The following PDZD9 variants were observed in gnomAD, a reference collection of about 807,000 sequenced individuals.
The protein encoded by PDZD9 is PDZ domain-containing protein 9.
Under a neutral mutation model 16.3 loss-of-function variants are expected in PDZD9, and 13 were observed. That is an observed-to-expected ratio of 0.80 (90% CI 0.52 to 1.27). PDZD9 has a LOEUF of 1.27. PDZD9 is among the 50% of genes most tolerant of loss of function. The pLI, the probability that PDZD9 is intolerant of heterozygous loss-of-function variation, is 0.00. For missense variants in PDZD9, 288 were observed against 310.9 expected (o/e 0.93, Z 0.55); for synonymous variants, 120 against 111.0 (o/e 1.08, Z -0.51).
chr16:21,967,158 C>T, the PDZD9 span, among the ~76,000 whole-genome samples: 1 of 152,282 alleles, frequency 6.6e-6, no homozygotes, highest in Non-Finnish European at 1.5e-5. Context: ...CGCTAGAATA[C>T]TTGGAGCAAT....
At chr16:21,966,469 A>T in the PDZD9 span, among the ~76,000 whole-genome samples, 2 of 152,222 alleles carry the variant, frequency 1.3e-5, no homozygotes, top group Admixed American at 6.5e-5. Flanking sequence ...AGACCCAAAA[A>T]CAAATTTTAT....
the PDZD9 span, among the ~76,000 whole-genome samples, chr16:21,959,949 T>C: frequency 2.6e-5 from 4 of 152,236 alleles, no homozygotes; most frequent in African/African-American, 9.6e-5. Flanking sequence ...ACAGATGTAC[T>C]ATCATCCAGG....
chr16:21,997,653 G>A (rs1379525012), intron 1 of PDZD9, among the ~76,000 whole-genome samples: 1 of 152,198 alleles, frequency 6.6e-6, no homozygotes, highest in Non-Finnish European at 1.5e-5. Flanking sequence ...ACAAGGGGTA[G>A]TGGGAGAGGT....
At chr16:21,963,099 C>T in the PDZD9 span, 2 of 410,696 alleles carry the variant, frequency 4.9e-6, no homozygotes, top group Admixed American at 3.9e-5. Context: ...AGCAATTCTC[C>T]TGCCTCAGCC....
At chr16:21,982,479 C>A, downstream of PDZD9, among the ~76,000 whole-genome samples, 1 of 152,164 alleles carries the variant, frequency 6.6e-6, no homozygotes, top group Non-Finnish European at 1.5e-5. Context: ...TTGACAGTGT[C>A]AGTGTTGTTT....
downstream of PDZD9, chr16:21,980,326 A>G: frequency 2.0e-6 from 1 of 505,050 alleles, no homozygotes; most frequent in Non-Finnish European, 3.4e-6. Flanking sequence ...TCAATTGGAC[A>G]CTTTGGCAAC....
chr16:21,980,770 G>A, downstream of PDZD9: 1 of 1,565,628 alleles, frequency 6.4e-7, no homozygotes, highest in South Asian at 1.1e-5. Flanking sequence ...TCAGAAGGAT[G>A]CATAAGCGTC....
At chr16:21,957,638 G>A in the PDZD9 span, 19 of 1,555,248 alleles carry the variant, frequency 1.2e-5, no homozygotes, top group Middle Eastern at 1.7e-4. Context: ...GAAAAACTAA[G>A]ATCAATGTCT....
At chr16:21,974,851 G>A in the PDZD9 span, among the ~76,000 whole-genome samples, 1 of 152,196 alleles carries the variant, frequency 6.6e-6, no homozygotes, top group Non-Finnish European at 1.5e-5. Flanking sequence ...GGCTAATATT[G>A]GAAGATATTG....
At chr16:21,999,004 C>A in intron 1 of PDZD9, 1 of 209,272 alleles carries the variant, frequency 4.8e-6, no homozygotes. Flanking sequence ...CTTTAAAGCA[C>A]TTACAAAACC....
At chr16:21,986,125 G>A (rs1035773953) in intron 3 of PDZD9, among the ~76,000 whole-genome samples, 50 of 152,120 alleles carry the variant, frequency 3.3e-4, no homozygotes, top group African/African-American at 1.0e-3. Flanking sequence ...TACCCAGAGC[G>A]TTACATGGAG....
chr16:21,972,251 C>A, the PDZD9 span: 1 of 1,229,500 alleles, frequency 8.1e-7, no homozygotes, highest in Non-Finnish European at 1.1e-6. Context: ...GAAGAGATAG[C>A]CAGGCTTGAT....
chr16:21,987,827 CA>C (rs1474185739), intron 3 of PDZD9, among the ~76,000 whole-genome samples: 2 of 151,864 alleles, frequency 1.3e-5, no homozygotes, highest in Non-Finnish European at 2.9e-5. Context: ...CAGCTTTTAG[CA>C]AGTTGGGAGT....
chr16:21,967,285 A>G, the PDZD9 span, among the ~76,000 whole-genome samples: 1 of 152,178 alleles, frequency 6.6e-6, no homozygotes, highest in African/African-American at 2.4e-5. Flanking sequence ...TTAAAAGTTC[A>G]GTTTCATTAC....
chr16:21,997,887 G>A lies in PDZD9; in HGVS notation c.32-1386C>T, dbSNP rs533539658. The stretch of plus-strand genomic sequence containing the variant: ...ACACACAAGCTTGCCAAGTCCATGT[G>A]ACTGTGGTGTTTTCAGGGCCACTGC... On this transcript the variant is annotated intron_variant, in intron 1 of 3. Coordinates refer to ENST00000424898, the MANE Select transcript of PDZD9 (RefSeq NM_001363519.1). 4.6e-5 allele frequency among the ~76,000 whole-genome samples: 7 copies of A among 152,070 alleles called. 1 individual carries two copies. The highest frequency in any genetic ancestry group is 6.3e-3 in the Middle Eastern group (2 of 316).
At chr16:21,986,521 G>T (rs919703437) in intron 3 of PDZD9, among the ~76,000 whole-genome samples, 1 of 152,160 alleles carries the variant, frequency 6.6e-6, no homozygotes, top group Non-Finnish European at 1.5e-5. Flanking sequence ...AGTAGGATTT[G>T]ATTGTGAGTT....
rs1597986821 is a variant in PDZD9 at position 22,001,081 on chromosome 16, C to G, written c.-34G>C. The G allele has an allele frequency of 6.6e-7, 1 of 1,509,896 alleles. No homozygotes were observed. The highest frequency in any genetic ancestry group is 8.8e-7 in the Non-Finnish European group (1 of 1,134,620). The allele number at this position is 1,509,896 out of a possible 1,614,324, so 93.5% of individuals were successfully genotyped here. The stretch of plus-strand genomic sequence containing the variant: ...GAGGTCAGGCAGCCCGGGAGGGCCT[C>G]CCGGAGCAGAGGCTGGAGTCAGTCC... On this transcript the variant is annotated 5_prime_UTR_variant, in exon 1 of 4. Coordinates refer to ENST00000424898, the MANE Select transcript of PDZD9 (RefSeq NM_001363519.1).
At chr16:21,960,269 T>C in the PDZD9 span, among the ~76,000 whole-genome samples, 2 of 152,226 alleles carry the variant, frequency 1.3e-5, no homozygotes, top group Non-Finnish European at 2.9e-5. Context: ...ATATTAGCAT[T>C]TGCTGCTTCA....
At chr16:21,960,259 A>G in the PDZD9 span, among the ~76,000 whole-genome samples, 1 of 152,328 alleles carries the variant, frequency 6.6e-6, no homozygotes, top group South Asian at 2.1e-4. Flanking sequence ...TGCAGCTTCT[A>G]TATTAGCATT....
Sources: allele counts gnomAD v4.1 joint callset (sites outside exome capture counted in the v4.1 genomes callset), GRCh38; gene constraint gnomAD v4.1.1; transcripts MANE v1.5; gene names NCBI Gene and HGNC (gene_info 2026-07-23, HGNC 2026-07-21).